The following IFI16 variants were observed in gnomAD, a reference collection of about 807,000 sequenced individuals.
IFI16 encodes interferon gamma inducible protein 16.
Under a neutral mutation model 68.4 loss-of-function variants are expected in IFI16, and 49 were observed. That is an observed-to-expected ratio of 0.72 (90% CI 0.57 to 0.91). IFI16 has a LOEUF of 0.91. IFI16 is among the 40% of genes least tolerant of loss of function. The pLI is 0.00. For missense variants in IFI16, 878 were observed against 942.9 expected (o/e 0.93, Z 0.90); for synonymous variants, 307 against 315.0 (o/e 0.97, Z 0.27).
chr1:159,011,545 A>G (rs1301153650), intron 1 of IFI16, among the ~76,000 whole-genome samples: 1 of 152,028 alleles, frequency 6.6e-6, no homozygotes, highest in Non-Finnish European at 1.5e-5. Context: ...ATGTGTGTAT[A>G]TGAAGAGAAA....
At chr1:159,016,504 G>A (rs373887098) in intron 3 of IFI16, 29 bp from the exon 4 acceptor site, 65 of 1,585,114 alleles carry the variant, frequency 4.1e-5, no homozygotes, top group Middle Eastern at 3.4e-4. Flanking sequence ...CACTGAAAAC[G>A]AATAACAGGA....
At chr1:159,054,772 G>A (rs762655884) in intron 11 of IFI16, 49 bp from the exon 12 acceptor site, 1 of 929,622 alleles carries the variant, frequency 1.1e-6, no homozygotes, top group Non-Finnish European at 1.7e-6. Context: ...GAGAAATGTA[G>A]GATCATCAGC....
chr1:159,003,748 C>T (rs1466085675), upstream of IFI16, among the ~76,000 whole-genome samples: 1 of 152,142 alleles, frequency 6.6e-6, no homozygotes, highest in Non-Finnish European at 1.5e-5. Flanking sequence ...GCAAGCTCCG[C>T]CTCCTGGGTT....
At chr1:159,029,603 T>G (rs1455759066) in intron 6 of IFI16, among the ~76,000 whole-genome samples, 7 of 152,172 alleles carry the variant, frequency 4.6e-5, no homozygotes, top group Admixed American at 2.0e-4. Context: ...TAGATTTGTC[T>G]TCTTCCTCGG....
upstream of IFI16, chr1:159,009,207 C>T (rs548965514): frequency 6.6e-6 from 1 of 152,178 alleles, no homozygotes; most frequent in African/African-American, 2.4e-5. Context: ...TCTGAGCATT[C>T]GTGAATCTAA....
At chr1:159,035,888 G>A (rs1044367502) in intron 7 of IFI16, among the ~76,000 whole-genome samples, 1 of 152,014 alleles carries the variant, frequency 6.6e-6, no homozygotes, top group Non-Finnish European at 1.5e-5. Context: ...TTCAACCAAA[G>A]ATTACATTTC....
intron 6 of IFI16, among the ~76,000 whole-genome samples, chr1:159,027,288 G>A (rs1003494890): frequency 2.0e-5 from 3 of 151,882 alleles, no homozygotes; most frequent in Non-Finnish European, 2.9e-5. Context: ...TAGATGATCC[G>A]GTGATTTTTG....
intron 6 of IFI16, among the ~76,000 whole-genome samples, chr1:159,030,164 GCTCT>G (rs34643387): frequency 0.28 from 42,619 of 151,300 alleles, 8,016 homozygotes; most frequent in African/African-American, 0.53. Flanking sequence ...TTTTTTTTAT[GCTCT>G]CTATTTTTTT....
rs923572095 is a variant in IFI16, at chr1:159,051,846, C to G, written c.1833C>G (p.Phe611Leu). 1 of 1,613,976 alleles carries G rather than the reference C, an allele frequency of 6.2e-7. No homozygotes were observed. Among genetic ancestry groups the G allele is most frequent in the African/African-American group, 1.3e-5 (1 of 74,890 alleles). The part of the protein sequence containing the change: ...HATVATENEV[F>L]RVKVFNIDLK... Reference sequence around the variant, plus strand: ...CAGTGGCAACTGAGAATGAAGTCTTCCGAGTGAAGGTTTTTAATATTGACC... The same window carrying G: ...CAGTGGCAACTGAGAATGAAGTCTTGCGAGTGAAGGTTTTTAATATTGACC... The change falls in exon 10 of 12, where the codon TTC (phenylalanine) becomes TTG (leucine). Residue 611 changes from phenylalanine (F) to leucine (L), a missense_variant. This residue lies in a region of IFI16 where 311 missense variants were observed against 305.1 expected (regional missense o/e 1.02). Coordinates refer to ENST00000295809, the MANE Select transcript of IFI16 (RefSeq NM_001376587.1).
intron 1 of IFI16, among the ~76,000 whole-genome samples, chr1:159,012,619 C>T (rs529647314): frequency 6.6e-6 from 1 of 152,302 alleles, no homozygotes; most frequent in African/African-American, 2.4e-5. Flanking sequence ...AATTTCTCAG[C>T]AAAGCATATT....
chr1:159,016,740 A>G (rs1292665700), intron 4 of IFI16, 40 bp downstream of exon 4: 2 of 1,569,670 alleles, frequency 1.3e-6, no homozygotes, highest in Non-Finnish European at 1.7e-6. Flanking sequence ...GTTTTTTTCA[A>G]CCCAAAGTAA....
intron 9 of IFI16, among the ~76,000 whole-genome samples, chr1:159,049,839 G>T (rs1384181238): frequency 1.3e-5 from 2 of 151,336 alleles, no homozygotes; most frequent in Admixed American, 6.6e-5. Context: ...TTTTCTTTTG[G>T]CTTACGTTTT....
Position 159,054,894 on chromosome 1 carries a change from T to C in IFI16, c.2351T>C (p.Phe784Ser), listed in dbSNP as rs1057080. ...AGTATGGAAACTTCACCAGACTTTT[T>C]CTTCTAAAATCTGGATGTCATTGAC... Reference protein sequence around the residue: ...DSSMETSPDFFF With the variant: ...DSSMETSPDFSF The change falls in exon 12 of 12, where the codon TTC becomes TCC. Residue 784 changes from phenylalanine to serine, a missense_variant. This residue lies in a region of IFI16 where 311 missense variants were observed against 305.1 expected (regional missense o/e 1.02). Transcript: ENST00000295809. 2 of 1,566,228 alleles carry C rather than the reference T, an allele frequency of 1.3e-6. No homozygotes were observed. Among genetic ancestry groups the C allele is most frequent in the Non-Finnish European group, 1.8e-6 (2 of 1,139,430 alleles).
intron 6 of IFI16, among the ~76,000 whole-genome samples, chr1:159,029,307 A>AAGAT (rs1653855714): frequency 6.6e-6 from 1 of 152,228 alleles, no homozygotes; most frequent in African/African-American, 2.4e-5. Context: ...AAGGAGGCTA[A>AAGAT]AGATAGTACT....
chr1:159,002,328 GA>G (rs568256555), upstream of IFI16, among the ~76,000 whole-genome samples: 42 of 146,786 alleles, frequency 2.9e-4, no homozygotes, highest in Middle Eastern at 3.6e-3. Flanking sequence ...AAAAAAGAAA[GA>G]AAAAAAAAAC....
upstream of IFI16, among the ~76,000 whole-genome samples, chr1:159,007,706 GCT>G (rs137992616): frequency 2.7e-5 from 4 of 150,778 alleles, no homozygotes; most frequent in South Asian, 2.1e-4. Context: ...ATCAGAGAGT[GCT>G]CTCTCTCTCT....
chr1:159,027,412 T>A (rs1653738716), intron 6 of IFI16, among the ~76,000 whole-genome samples: 1 of 150,450 alleles, frequency 6.6e-6, no homozygotes, highest in Non-Finnish European at 1.5e-5. Context: ...TGACATGCTG[T>A]TGGATTCTGT....
intron 11 of IFI16, among the ~76,000 whole-genome samples, chr1:159,054,125 T>C (rs1490578315): frequency 6.6e-6 from 1 of 152,160 alleles, no homozygotes; most frequent in East Asian, 1.9e-4. Flanking sequence ...CTGTCTACCA[T>C]AGAGGGTCAT....
chr1:159,013,513 ACAT>A (rs1652718423), intron 1 of IFI16, among the ~76,000 whole-genome samples: 1 of 152,178 alleles, frequency 6.6e-6, no homozygotes, highest in African/African-American at 2.4e-5. Flanking sequence ...ATACACAAAG[ACAT>A]CATTCCTAAA....
Sources: allele counts gnomAD v4.1 joint callset (sites outside exome capture counted in the v4.1 genomes callset), GRCh38; gene constraint gnomAD v4.1.1; regional missense constraint gnomAD v4.1.1; transcripts MANE v1.5; gene names NCBI Gene and HGNC (gene_info 2026-07-23, HGNC 2026-07-21).